Variants in GPC4 observed in about 807,000 individuals in gnomAD.
GPC4 encodes glypican-4.
In GPC4, 10 loss-of-function variants were observed where a neutral mutation model predicts 35.0. That is an observed-to-expected ratio of 0.29 (90% CI 0.18 to 0.48). The LOEUF (loss-of-function observed/expected upper bound fraction) is 0.48. Among genes scored for constraint, GPC4 ranks in the 20% least tolerant of loss-of-function variants. The pLI is 0.99. For missense variants in GPC4, 322 were observed against 451.3 expected (o/e 0.71, Z 2.60); for synonymous variants, 167 against 170.2 (o/e 0.98, Z 0.15).
intron 1 of GPC4, among the ~76,000 whole-genome samples, chrX:133,364,703 G>A (rs775787229): frequency 8.9e-6 from 1 of 112,047 alleles, no homozygotes; most frequent in Non-Finnish European, 1.9e-5. Flanking sequence ...ACTTTCATGT[G>A]AATTACATCT....
intron 1 of GPC4, among the ~76,000 whole-genome samples, chrX:133,397,487 G>A (rs771668941): frequency 9.1e-6 from 1 of 110,202 alleles, no homozygotes; most frequent in African/African-American, 3.3e-5. Context: ...AGGCTGGGAG[G>A]TTGAGGCTGC....
intron 1 of GPC4, among the ~76,000 whole-genome samples, chrX:133,413,757 G>C (rs1310468448): frequency 8.9e-6 from 1 of 112,187 alleles, no homozygotes; most frequent in Non-Finnish European, 1.9e-5. Context: ...GGGGCTGCGC[G>C]CAACAGTTGG....
chrX:133,338,836 A>G (rs1047519855), intron 2 of GPC4, among the ~76,000 whole-genome samples: 2 of 111,558 alleles, frequency 1.8e-5, no homozygotes, highest in Non-Finnish European at 3.8e-5. Flanking sequence ...ATTTTGACTA[A>G]GACAGTTTTC....
Position 133,324,461 on chromosome X carries a change from T to C in GPC4, c.395A>G (p.Tyr132Cys), listed in dbSNP as rs1360220791. The C allele has an allele frequency of 8.3e-7, 1 of 1,204,813 alleles. No individual in the cohort carries two copies. The highest frequency in any genetic ancestry group is 1.1e-6 in the Non-Finnish European group (1 of 891,848). ...TTTAAATAGCTCAGAATTTTGCATG[T>C]ATAAATGGCCATATGTCTTCACAAA... ...DMFVKTYGHL[Y>C]MQNSELFKDL... is the part of the protein sequence containing the mutation. The change falls in exon 3 of 9, where the codon TAC (tyrosine) becomes TGC (cysteine). Residue 132 changes from tyrosine (Y) to cysteine (C), a missense_variant. Tyr to Cys is a radical substitution (Grantham distance 194, BLOSUM62 -2). Around this residue, in one of 3 missense-constraint regions of GPC4, gnomAD observed 163 missense variants for 277.2 expected, o/e 0.59. Transcript: ENST00000370828.
intron 2 of GPC4, among the ~76,000 whole-genome samples, chrX:133,329,301 T>C (rs17324335): frequency 0.39 from 43,558 of 111,005 alleles, 7,499 homozygotes; most frequent in African/African-American, 0.67. Flanking sequence ...ATATGTGAGA[T>C]GATAGTGTTG....
At chrX:133,307,996 T>C (rs1408697405) in intron 4 of GPC4, among the ~76,000 whole-genome samples, 1 of 111,463 alleles carries the variant, frequency 9.0e-6, no homozygotes, top group African/African-American at 3.3e-5. Flanking sequence ...AGCTGGGCCT[T>C]TGTTGGGGCC....
At chrX:133,347,264 T>TG (rs2068497178) in intron 1 of GPC4, among the ~76,000 whole-genome samples, 1 of 93,316 alleles carries the variant, frequency 1.1e-5, no homozygotes, top group Non-Finnish European at 2.1e-5. Context: ...TTTTTTTTTT[T>TG]TTTTTTTTTT....
At chrX:133,367,478 GTTCT>G (rs1182331322) in intron 1 of GPC4, among the ~76,000 whole-genome samples, 1 of 112,478 alleles carries the variant, frequency 8.9e-6, no homozygotes, top group Admixed American at 9.4e-5. Context: ...TAATTAGCAA[GTTCT>G]TTCTGTGAAT....
chrX:133,319,452 A>AG (rs2068354151), intron 3 of GPC4, among the ~76,000 whole-genome samples: 1 of 103,052 alleles, frequency 9.7e-6, no homozygotes, highest in Non-Finnish European at 2.0e-5. Flanking sequence ...TCAAAAAAAA[A>AG]AAAAAAAAAA....
intron 1 of GPC4, among the ~76,000 whole-genome samples, chrX:133,371,624 C>T (rs1467125609): frequency 1.8e-5 from 2 of 111,470 alleles, no homozygotes; most frequent in African/African-American, 6.5e-5. Flanking sequence ...TCTTTATACA[C>T]AAAATTTGTC....
rs113779933 is a variant in GPC4, at chrX:133,407,781, G to C, written c.160+7025C>G. Among the ~76,000 whole-genome samples the C allele has an allele frequency of 9.3e-3, 1,048 of 112,504 alleles. 16 individuals are homozygous for C. The highest frequency in any genetic ancestry group is 0.032 in the African/African-American group (996 of 30,980). On this transcript the variant is annotated intron_variant, in intron 1 of 8. Transcript: ENST00000370828. ...AAACTCTTTGTATTTTGTGAAAGAT[G>C]CCTTTTTCCCTGAAGCAGCCTCTTT... is the stretch of plus-strand genomic sequence containing the variant.
At chrX:133,315,823 C>T (rs907851107) in intron 3 of GPC4, among the ~76,000 whole-genome samples, 1 of 111,245 alleles carries the variant, frequency 9.0e-6, no homozygotes, top group Non-Finnish European at 1.9e-5. Flanking sequence ...TTGGTTGAGC[C>T]TAGATATTAG....
intron 2 of GPC4, 92 bp from the exon 3 acceptor site, chrX:133,324,628 G>GAA: frequency 1.2e-6 from 1 of 848,810 alleles, no homozygotes; most frequent in Non-Finnish European, 1.6e-6. Context: ...TTGAAAACTG[G>GAA]AAAAAAAACA....
intron 1 of GPC4, among the ~76,000 whole-genome samples, chrX:133,385,023 T>G (rs1435919842): frequency 8.9e-6 from 1 of 112,086 alleles, no homozygotes; most frequent in Non-Finnish European, 1.9e-5. Context: ...ACAAAAATAT[T>G]AAAATGCATC....
chrX:133,409,809 A>T (rs2068805491), intron 1 of GPC4, among the ~76,000 whole-genome samples: 4 of 111,780 alleles, frequency 3.6e-5, no homozygotes, highest in Admixed American at 1.9e-4. Flanking sequence ...TAAGGAAATT[A>T]AGCTGGCGAT....
At chrX:133,397,612 T>G (rs2124178550) in intron 1 of GPC4, among the ~76,000 whole-genome samples, 1 of 110,748 alleles carries the variant, frequency 9.0e-6, no homozygotes, top group African/African-American at 3.3e-5. Flanking sequence ...ACCCATAAAC[T>G]TAAAGCTAAG....
chrX:133,328,171 G>T (rs983883269), intron 2 of GPC4, among the ~76,000 whole-genome samples: 16 of 110,860 alleles, frequency 1.4e-4, no homozygotes, highest in African/African-American at 4.9e-4. Context: ...CATACAAAAA[G>T]TTCCTAAATA....
At chrX:133,341,852 C>A (rs894639725) in intron 1 of GPC4, among the ~76,000 whole-genome samples, 2 of 109,519 alleles carry the variant, frequency 1.8e-5, no homozygotes, top group African/African-American at 6.7e-5. Context: ...CGGGTAGCAG[C>A]AATAAAAGTT....
At chrX:133,341,741 C>G (rs899162033) in intron 1 of GPC4, among the ~76,000 whole-genome samples, 7 of 111,058 alleles carry the variant, frequency 6.3e-5, no homozygotes, top group African/African-American at 9.8e-5. Context: ...TACTAAGAGA[C>G]AGCAGGAAAT....
Sources: allele counts gnomAD v4.1 joint callset (sites outside exome capture counted in the v4.1 genomes callset), GRCh38; gene constraint gnomAD v4.1.1; regional missense constraint gnomAD v4.1.1; transcripts MANE v1.5; gene names NCBI Gene and HGNC (gene_info 2026-07-23, HGNC 2026-07-21).